The following PUDP variants were observed in gnomAD, a reference collection of about 807,000 sequenced individuals.
PUDP encodes pseudouridine 5'-phosphatase.
In PUDP, 8 loss-of-function variants were observed where a neutral mutation model predicts 9.4. The observed-to-expected ratio is 0.85, with a 90% CI of 0.50 to 1.53. PUDP has a LOEUF of 1.53. Among genes scored for constraint, PUDP ranks in the 40% most tolerant of loss-of-function variants. PUDP has a pLI of 0.00. For missense variants in PUDP, 188 were observed against 189.7 expected, an observed-to-expected ratio of 0.99 and a Z score of 0.05; for synonymous variants, 99 against 80.7, an observed-to-expected ratio of 1.23 and a Z score of -1.22.
intron 3 of PUDP, among the ~76,000 whole-genome samples, chrX:7,075,605 G>A (rs1176120427): frequency 5.4e-5 from 6 of 111,722 alleles, no homozygotes; most frequent in African/African-American, 6.5e-5. Flanking sequence ...ATGAGCAATC[G>A]TCAGTGATGT....
At position 7,050,494 on chromosome X, in the gene PUDP, C is replaced by CAT. The variant is rs1569145892; in HGVS notation, c.511-23_511-22insAT. On this transcript the variant is annotated intron_variant, in intron 3 of 3. Transcript: ENST00000381077. ...GGCACTGTAGGAAGAAAAAGAAAGT[C>CAT]GAGATGGCCTTTTATGGAACCAGAC... The CAT allele has an allele frequency of 3.4e-6, 4 of 1,187,969 alleles. No homozygotes were observed. In the South Asian group the frequency reaches 7.3e-5, roughly 22 times the overall value.
intron 3 of PUDP, among the ~76,000 whole-genome samples, chrX:7,074,968 G>A (rs1410986730): frequency 8.9e-6 from 1 of 112,169 alleles, no homozygotes; most frequent in Non-Finnish European, 1.9e-5. Flanking sequence ...TCAAGAATGA[G>A]ATTTCAATCA....
At chrX:6,979,025 A>G (rs1476277421) in intron 1 of PUDP, among the ~76,000 whole-genome samples, 1 of 110,313 alleles carries the variant, frequency 9.1e-6, no homozygotes, top group Non-Finnish European at 1.9e-5. Context: ...GCAAGAAACA[A>G]AGACTGGTGG....
intron 3 of PUDP, among the ~76,000 whole-genome samples, chrX:6,886,705 C>T (rs72609583): frequency 0.11 from 12,390 of 110,539 alleles, 763 homozygotes; most frequent in East Asian, 0.46. Context: ...CTGGAGTTAA[C>T]AGACACTCTT....
chrX:6,927,897 T>G (rs1928130113), intron 3 of PUDP, among the ~76,000 whole-genome samples: 1 of 110,054 alleles, frequency 9.1e-6, no homozygotes, highest in Non-Finnish European at 1.9e-5. Context: ...TGTAAAGAGT[T>G]CTCTTTGGAA....
intron 3 of PUDP, among the ~76,000 whole-genome samples, chrX:6,890,667 C>T (rs190276216): frequency 1.4e-3 from 159 of 110,489 alleles, no homozygotes; most frequent in African/African-American, 4.6e-3. Context: ...TCTAGAGTTC[C>T]CATGTTCAAG....
chrX:6,711,930 T>C (rs1924537196), intron 1 of PUDP, among the ~76,000 whole-genome samples: 1 of 111,639 alleles, frequency 9.0e-6, no homozygotes, highest in Non-Finnish European at 1.9e-5. Flanking sequence ...TCACCTATAG[T>C]CGCATCCTCA....
intron 3 of PUDP, among the ~76,000 whole-genome samples, chrX:6,873,077 C>T (rs55909210): frequency 0.037 from 4,150 of 111,444 alleles, 78 homozygotes; most frequent in Non-Finnish European, 0.058. Context: ...GAGAGAAATC[C>T]CTCCATGTGC....
At chrX:7,102,119 A>G (rs2146894220) in intron 2 of PUDP, among the ~76,000 whole-genome samples, 1 of 111,103 alleles carries the variant, frequency 9.0e-6, no homozygotes, top group African/African-American at 3.3e-5. Flanking sequence ...GGAGAACCCT[A>G]CCAAACATGG....
Position 6,845,356 on chromosome X carries a change from G to A in PUDP, c.*247+131777C>T, listed in dbSNP as rs190448104. ...AAAACAATCTCTCTGACCAAAAAAC[G>A]AAGAAGCTGGGGGCAAGAAGACCAG... On this transcript the variant is annotated intron_variant and NMD_transcript_variant, in intron 3 of 3. Transcript: ENST00000655425. 2.4e-3 allele frequency among the ~76,000 whole-genome samples: 268 copies of A among 112,069 alleles called. 2 individuals are homozygous for A. Among genetic ancestry groups the A allele is most frequent in the Non-Finnish European group, 3.2e-3 (169 of 53,189 alleles).
intron 1 of PUDP, among the ~76,000 whole-genome samples, chrX:7,036,319 C>A (rs929396985): frequency 9.0e-6 from 1 of 111,600 alleles, no homozygotes; most frequent in Non-Finnish European, 1.9e-5. Context: ...ACTTCAAATA[C>A]CAGGAATTTA....
At chrX:6,839,408 A>G (rs148543800) in intron 3 of PUDP, among the ~76,000 whole-genome samples, 1,814 of 111,268 alleles carry the variant, frequency 0.016, 32 homozygotes, top group African/African-American at 0.057. Context: ...TTGCCAAAAG[A>G]GGAGCAGTCG....
chrX:6,935,260 G>C (rs1190959856), intron 3 of PUDP, among the ~76,000 whole-genome samples: 13 of 95,287 alleles, frequency 1.4e-4, no homozygotes, highest in Non-Finnish European at 2.5e-4. Flanking sequence ...AAATGTAAAA[G>C]AACAGAAATT....
intron 3 of PUDP, among the ~76,000 whole-genome samples, chrX:6,791,842 A>G (rs745668760): frequency 8.9e-6 from 1 of 112,612 alleles, no homozygotes; most frequent in Non-Finnish European, 1.9e-5. Context: ...ACATTTAGTG[A>G]AACGCTAACA....
chrX:6,782,901 T>C (rs1271188664), intron 3 of PUDP, among the ~76,000 whole-genome samples: 1 of 112,205 alleles, frequency 8.9e-6, no homozygotes, highest in African/African-American at 3.2e-5. Context: ...ATTTCTCTCC[T>C]GCTGCAAAGA....
chrX:7,107,097 C>A (rs1208681943), intron 1 of PUDP, among the ~76,000 whole-genome samples: 1 of 111,915 alleles, frequency 8.9e-6, no homozygotes, highest in African/African-American at 3.3e-5. Context: ...ACGGATGCAT[C>A]TGACAAAAAT....
chrX:7,042,636 G>A lies in PUDP; in HGVS notation c.204+34584C>T, dbSNP rs564623269. ...GTGAACATGCATGTACAAGTTTCTG[G>A]GTGGACATATGTTTTCATTTTTTGG... On this transcript the variant is annotated intron_variant and NMD_transcript_variant, in intron 1 of 3. Transcript: ENST00000655425. 4.5e-5 allele frequency among the ~76,000 whole-genome samples: 4 copies of A among 87,968 alleles called. No homozygotes were observed. The South Asian group carries it at 2.7e-3, about 59-fold the overall frequency. The allele number at this position is 87,968 out of a possible 115,157, so 76.4% of individuals were successfully genotyped here. A position where few individuals can be genotyped will look rare whatever the true frequency, so the allele number is the denominator to read the frequency against.
At chrX:6,811,183 C>G (rs1926138411) in intron 3 of PUDP, among the ~76,000 whole-genome samples, 1 of 111,702 alleles carries the variant, frequency 9.0e-6, no homozygotes, top group East Asian at 2.8e-4. Flanking sequence ...TACACTTGCA[C>G]TGACGAAGTT....
intron 1 of PUDP, among the ~76,000 whole-genome samples, chrX:6,713,871 C>A (rs1924563605): frequency 9.0e-6 from 1 of 110,714 alleles, no homozygotes; most frequent in South Asian, 3.9e-4. Context: ...ATGTTAACAA[C>A]AGAGTCTCCA....
Sources: gnomAD v4.1 joint callset for allele counts (sites outside exome capture counted in the v4.1 genomes callset) on GRCh38, gnomAD v4.1.1 for gene constraint, MANE v1.5 for transcripts, NCBI Gene and HGNC (gene_info 2026-07-23, HGNC 2026-07-21) for gene names.